Variants in SLC9C1 observed in about 807,000 individuals in gnomAD.
The protein encoded by SLC9C1 is sodium/hydrogen exchanger 10.
In SLC9C1, 97 loss-of-function variants were observed where a neutral mutation model predicts 140.9. That is an observed-to-expected ratio of 0.69 (90% confidence interval 0.58 to 0.82). SLC9C1 has a LOEUF of 0.82. SLC9C1 is among the 40% of genes least tolerant of loss of function. SLC9C1 has a pLI of 0.00. For missense variants in SLC9C1, 1,340 were observed against 1,389.3 expected, an observed-to-expected ratio of 0.96 and a Z score of 0.56; for synonymous variants, 440 against 442.6, an observed-to-expected ratio of 0.99 and a Z score of 0.07.
intron 22 of SLC9C1, among the ~76,000 whole-genome samples, chr3:112,180,135 A>G (rs1022548201): frequency 3.3e-5 from 5 of 152,216 alleles, no homozygotes; most frequent in Non-Finnish European, 7.3e-5. Context: ...CTGTCCTAAA[A>G]AAGAAACTAT....
intron 11 of SLC9C1, among the ~76,000 whole-genome samples, 190 bp downstream of exon 11, chr3:112,243,805 A>G (rs765541999): frequency 1.3e-5 from 2 of 151,896 alleles, no homozygotes; most frequent in Non-Finnish European, 2.9e-5. Context: ...ATCCTCCCCA[A>G]TCAGCCTTCC....
intron 3 of SLC9C1, among the ~76,000 whole-genome samples, chr3:112,279,455 T>C (rs73223686): frequency 0.2 from 29,990 of 152,146 alleles, 3,346 homozygotes; most frequent in Middle Eastern, 0.26. Flanking sequence ...AGGAAGTACA[T>C]TGACATGGGT....
chr3:112,207,377 C>T (rs753956190), intron 16 of SLC9C1, among the ~76,000 whole-genome samples: 42 of 152,168 alleles, frequency 2.8e-4, no homozygotes, highest in Non-Finnish European at 4.9e-4. Flanking sequence ...ATATGATCTA[C>T]GGCTCTGGAT....
chr3:112,167,147 T>C, intron 26 of SLC9C1, 74 bp downstream of exon 26: 1 of 1,540,446 alleles, frequency 6.5e-7, no homozygotes, highest in Non-Finnish European at 8.8e-7. Flanking sequence ...CAAACAACAG[T>C]TTCCAAATAC....
intron 1 of SLC9C1, among the ~76,000 whole-genome samples, chr3:112,289,012 G>T (rs775743308): frequency 2.0e-5 from 3 of 152,084 alleles, no homozygotes; most frequent in Non-Finnish European, 4.4e-5. Flanking sequence ...AGTCTGGTTT[G>T]CAGCCTGGGC....
At chr3:112,279,806 G>A (rs1464805630) in intron 3 of SLC9C1, among the ~76,000 whole-genome samples, 1 of 152,146 alleles carries the variant, frequency 6.6e-6, no homozygotes, top group Non-Finnish European at 1.5e-5. Context: ...GTTAACTCTG[G>A]TTATTGCTAT....
intron 15 of SLC9C1, 103 bp downstream of exon 15, chr3:112,217,339 T>TTA (rs2078407927): frequency 7.3e-7 from 1 of 1,372,104 alleles, no homozygotes; most frequent in South Asian, 1.5e-5. Context: ...ACCCTAGCAC[T>TTA]TATAGTATAA....
intron 20 of SLC9C1, among the ~76,000 whole-genome samples, chr3:112,196,638 T>A (rs1283867380): frequency 6.6e-6 from 1 of 152,156 alleles, no homozygotes; most frequent in Admixed American, 6.6e-5. Context: ...GATTCTTTTT[T>A]CTGCCTACTC....
intron 23 of SLC9C1, among the ~76,000 whole-genome samples, chr3:112,172,438 T>C (rs964274061): frequency 6.6e-6 from 1 of 152,178 alleles, no homozygotes; most frequent in Admixed American, 6.5e-5. Flanking sequence ...AAATTCATTA[T>C]AAATTCTAGT....
chr3:112,159,167 A>G (rs748876702), intron 26 of SLC9C1, among the ~76,000 whole-genome samples: 3 of 151,544 alleles, frequency 2.0e-5, no homozygotes, highest in Non-Finnish European at 4.4e-5. Context: ...TGGTTTTGCT[A>G]TATCTCATAG....
chr3:112,215,975 C>T (rs1014120662), intron 15 of SLC9C1, among the ~76,000 whole-genome samples: 1 of 152,126 alleles, frequency 6.6e-6, no homozygotes, highest in Non-Finnish European at 1.5e-5. Flanking sequence ...GCTGTGGTAA[C>T]CAAAACAGCA....
intron 26 of SLC9C1, among the ~76,000 whole-genome samples, chr3:112,165,820 T>C (rs1486433039): frequency 6.6e-6 from 1 of 152,238 alleles, no homozygotes; most frequent in Non-Finnish European, 1.5e-5. Context: ...CATTTAAGTC[T>C]GCAGAGGATT....
chr3:112,195,908 T>C (rs2108012884), intron 20 of SLC9C1, among the ~76,000 whole-genome samples: 1 of 152,234 alleles, frequency 6.6e-6, no homozygotes, highest in Non-Finnish European at 1.5e-5. Flanking sequence ...TCGTAAATCA[T>C]TTAGAAAACA....
intron 20 of SLC9C1, among the ~76,000 whole-genome samples, chr3:112,184,614 C>T (rs552022946): frequency 4.1e-4 from 63 of 152,314 alleles, no homozygotes; most frequent in African/African-American, 1.3e-3. Context: ...CCAGCCTGGG[C>T]GACAGAGCGA....
At chr3:112,159,323 G>T (rs1242274203) in intron 26 of SLC9C1, among the ~76,000 whole-genome samples, 2 of 151,672 alleles carry the variant, frequency 1.3e-5, no homozygotes, top group African/African-American at 2.4e-5. Flanking sequence ...AGTTTCCAAA[G>T]TTCCTCCTCT....
At chr3:112,144,076 A>G (rs1011798952) in intron 28 of SLC9C1, among the ~76,000 whole-genome samples, 138 of 150,376 alleles carry the variant, frequency 9.2e-4, no homozygotes, top group African/African-American at 3.3e-3. Context: ...GGCTTTAGTT[A>G]TAGGTTCTCT....
chr3:112,176,114 A>G (rs1306913960), intron 23 of SLC9C1, among the ~76,000 whole-genome samples: 1 of 152,216 alleles, frequency 6.6e-6, no homozygotes, highest in Admixed American at 6.5e-5. Flanking sequence ...CCAAGACTCC[A>G]CATAGCTCTG....
chr3:112,231,726 G>A (rs976765004), intron 12 of SLC9C1, among the ~76,000 whole-genome samples: 3 of 151,996 alleles, frequency 2.0e-5, no homozygotes, highest in Non-Finnish European at 4.4e-5. Context: ...ACTTTTACAC[G>A]GCATTATTAA....
intron 13 of SLC9C1, among the ~76,000 whole-genome samples, chr3:112,225,748 A>G (rs1424725942): frequency 1.0e-5 from 1 of 96,614 alleles, no homozygotes; most frequent in Non-Finnish European, 2.2e-5. Flanking sequence ...TGGCAAACAG[A>G]ACCCAAAAAT....
Sources: gnomAD v4.1 joint callset for allele counts (sites outside exome capture counted in the v4.1 genomes callset) on GRCh38, gnomAD v4.1.1 for gene constraint, MANE v1.5 for transcripts, NCBI Gene and HGNC (gene_info 2026-07-23, HGNC 2026-07-21) for gene names.